The following FCHSD2 variants were observed in gnomAD, a reference collection of about 807,000 sequenced individuals.
FCHSD2 encodes the protein FCH and double SH3 domains 2.
A neutral mutation model predicts 108.1 loss-of-function variants in FCHSD2; 38 were observed. The observed-to-expected ratio is 0.35, with a 90% CI of 0.27 to 0.46. The LOEUF (loss-of-function observed/expected upper bound fraction) is 0.46, where lower values mean the gene tolerates loss of function less well. Ranked by LOEUF, FCHSD2 falls within the 20% of genes least tolerant of loss-of-function variation. The pLI is 1.00. For synonymous variants in FCHSD2, 279 were observed against 314.7 expected, an observed-to-expected ratio of 0.89 and a Z score of 1.20; for missense variants, 751 against 897.8, an observed-to-expected ratio of 0.84 and a Z score of 2.09.
intron 3 of FCHSD2, among the ~76,000 whole-genome samples, chr11:73,031,651 A>G (rs1403741025): frequency 1.3e-5 from 2 of 152,200 alleles, no homozygotes; most frequent in Non-Finnish European, 2.9e-5. Flanking sequence ...TGACCAACAA[A>G]GGACCATATT....
chr11:73,015,798 T>C lies in FCHSD2; in HGVS notation c.242+11A>G. 1.9e-6 allele frequency: 3 copies of C among 1,568,368 alleles called. 1 individual carries two copies. In the Middle Eastern group the frequency reaches 5.1e-4, roughly 265 times the overall value. ...GTTTCTAAAGAAAATAGGCAAAAACTACTAATTTACCTGTAATCATTCCGA... is the reference window on the plus strand; with the variant it reads ...GTTTCTAAAGAAAATAGGCAAAAACCACTAATTTACCTGTAATCATTCCGA... On this transcript the variant is annotated intron_variant, in intron 4 of 19. Transcript: ENST00000409418.
chr11:73,000,091 CAT>C (rs1857597635), intron 5 of FCHSD2, among the ~76,000 whole-genome samples: 1 of 152,142 alleles, frequency 6.6e-6, no homozygotes, highest in Admixed American at 6.5e-5. Flanking sequence ...ATACATCTAA[CAT>C]ATTGATTTCA....
intron 3 of FCHSD2, among the ~76,000 whole-genome samples, chr11:73,053,013 A>AT (rs1284133478): frequency 6.6e-6 from 1 of 151,678 alleles, no homozygotes; most frequent in Non-Finnish European, 1.5e-5. Flanking sequence ...CACCTAGCTA[A>AT]TTTTTGTATT....
intron 2 of FCHSD2, among the ~76,000 whole-genome samples, chr11:73,090,219 C>CTTTTTTTTTTTTTTTTTTTTTT (rs59603567): frequency 1.3e-5 from 1 of 77,022 alleles, no homozygotes; most frequent in Admixed American, 1.8e-4. Context: ...TACAATACTT[C>CTTTTTTTTTTTTTTTTTTTTTT]TTTTTTTTTT....
At chr11:72,868,621 G>GTTC (rs1854782802) in intron 12 of FCHSD2, among the ~76,000 whole-genome samples, 1 of 152,096 alleles carries the variant, frequency 6.6e-6, no homozygotes, top group African/African-American at 2.4e-5. Context: ...AACCCAGGAA[G>GTTC]GGGAAGTTGC....
intron 8 of FCHSD2, among the ~76,000 whole-genome samples, chr11:72,944,822 A>G (rs1363613184): frequency 6.6e-6 from 1 of 152,232 alleles, no homozygotes; most frequent in Non-Finnish European, 1.5e-5. Context: ...AGAATAAAAT[A>G]CCTAGGAATC....
intron 3 of FCHSD2, among the ~76,000 whole-genome samples, chr11:73,048,147 C>G (rs1310664442): frequency 6.6e-6 from 1 of 152,084 alleles, no homozygotes; most frequent in Non-Finnish European, 1.5e-5. Context: ...GCATATCAAA[C>G]TGCAAAAAGT....
In FCHSD2 at chr11:72,974,937, G is replaced by T. The variant is rs77322995; in HGVS notation, c.705+9151C>A. ...TAAACAGACATTAGGTGAATCAGAG[G>T]TACAAGAGCTAGAGACGACAGAGAA... is the stretch of plus-strand genomic sequence containing the variant. On this transcript the variant is annotated intron_variant, in intron 8 of 19. Coordinates refer to ENST00000409418, the MANE Select transcript of FCHSD2 (RefSeq NM_014824.3). Among the ~76,000 whole-genome samples, 1,371 of 152,128 alleles carry T rather than the reference G, an allele frequency of 9.0e-3. 16 individuals carry two copies. Among genetic ancestry groups the T allele is most frequent in the African/African-American group, 0.031 (1,300 of 41,476 alleles).
chr11:72,936,551 G>C (rs72979433), intron 8 of FCHSD2, among the ~76,000 whole-genome samples: 186 of 152,252 alleles, frequency 1.2e-3, no homozygotes, highest in Non-Finnish European at 2.0e-3. Flanking sequence ...AAGATGGGAG[G>C]CTTGCTTGAG....
intron 9 of FCHSD2, among the ~76,000 whole-genome samples, chr11:72,914,664 G>A (rs1252969806): frequency 6.6e-6 from 1 of 152,124 alleles, no homozygotes; most frequent in Admixed American, 6.6e-5. Flanking sequence ...ATGGTGCTGG[G>A]ATAACTGGCT....
chr11:73,072,643 A>C (rs1482018404), intron 3 of FCHSD2, among the ~76,000 whole-genome samples: 1 of 152,214 alleles, frequency 6.6e-6, no homozygotes, highest in Non-Finnish European at 1.5e-5. Context: ...TGGACGTCCT[A>C]TTGTGATAGT....
rs146523967 is a variant in FCHSD2, at chr11:73,138,382, G to A, written c.119+1649C>T. ...AACAGGGGAAAAATGGAGACAAAAC[G>A]CAATCAAGAAGTCTTTAGAAGACAC... is the stretch of plus-strand genomic sequence containing the variant. On this transcript the variant is annotated intron_variant, in intron 2 of 19. Coordinates refer to ENST00000409418, the MANE Select transcript of FCHSD2 (RefSeq NM_014824.3). Among the ~76,000 whole-genome samples the A allele has an allele frequency of 4.4e-3, 671 of 152,124 alleles. 6 individuals carry two copies. The highest frequency in any genetic ancestry group is 0.015 in the African/African-American group (637 of 41,476).
intron 3 of FCHSD2, among the ~76,000 whole-genome samples, chr11:73,067,686 G>A (rs758108108): frequency 7.9e-5 from 12 of 151,958 alleles, no homozygotes; most frequent in Non-Finnish European, 1.3e-4. Context: ...AGAAGGATAA[G>A]CACAGAGAAA....
intron 5 of FCHSD2, among the ~76,000 whole-genome samples, chr11:72,995,308 C>A (rs978836053): frequency 6.6e-6 from 1 of 152,068 alleles, no homozygotes; most frequent in Non-Finnish European, 1.5e-5. Flanking sequence ...AGATGACAAC[C>A]TGACACTCCC....
In FCHSD2 at chr11:72,838,811, C is replaced by G; in HGVS notation, c.2203G>C (p.Val735Leu). The change falls in exon 20 of 20, where the codon GTG becomes CTG. Residue 735 changes from valine (V) to leucine (L), a missense_variant. Coordinates refer to ENST00000409418, the MANE Select transcript of FCHSD2 (RefSeq NM_014824.3). The stretch of plus-strand genomic sequence containing the variant: ...CATCATCACACCAGTGTGATTTCCA[C>G]ATCTTCAATCTTCTCTGCTGGCCTT... ...HRRPAEKIED[V>L]EITLV 6.2e-7 allele frequency: 1 copy of G among 1,605,828 alleles called. No individual in the cohort carries two copies.
At chr11:72,876,369 T>A (rs912317929) in intron 12 of FCHSD2, among the ~76,000 whole-genome samples, 3 of 152,144 alleles carry the variant, frequency 2.0e-5, no homozygotes, top group Non-Finnish European at 4.4e-5. Flanking sequence ...GCACCCAGAA[T>A]GGCAACAGAT....
Position 73,036,755 on chromosome 11 carries a change from T to C in FCHSD2, c.166-20870A>G, listed in dbSNP as rs73534945. ...TCTACTATATACAAGGTACTAACAT[T>C]TCAACCCTCAAGAAGTCTTCCTCCA... On this transcript the variant is annotated intron_variant, in intron 3 of 19. Coordinates refer to ENST00000409418, the MANE Select transcript of FCHSD2 (RefSeq NM_014824.3). Among the ~76,000 whole-genome samples, 734 of 152,298 alleles carry C rather than the reference T, an allele frequency of 4.8e-3. 1 individual carries two copies. Among genetic ancestry groups the C allele is most frequent in the African/African-American group, 0.017 (712 of 41,564 alleles).
chr11:72,900,236 C>CCA, intron 10 of FCHSD2: 6 of 1,451,812 alleles, frequency 4.1e-6, no homozygotes, highest in Non-Finnish European at 5.7e-6. Flanking sequence ...CCCTCCCGCC[C>CCA]TTGACCCACA....
chr11:73,022,062 C>A (rs1045907297), intron 3 of FCHSD2, among the ~76,000 whole-genome samples: 4 of 152,038 alleles, frequency 2.6e-5, no homozygotes, highest in African/African-American at 7.3e-5. Context: ...CCACTGCACT[C>A]CAGTCTGGGC....
Sources: allele counts gnomAD v4.1 joint callset (sites outside exome capture counted in the v4.1 genomes callset), GRCh38; gene constraint gnomAD v4.1.1; transcripts MANE v1.5; gene names NCBI Gene and HGNC (gene_info 2026-07-23, HGNC 2026-07-21).